FOXN4: variants seen among roughly 807,000 people sequenced by gnomAD.
FOXN4 encodes the protein forkhead box protein N4.
FOXN4 carries 12 observed loss-of-function variants against 45.0 expected under a neutral mutation model. That is an observed-to-expected ratio of 0.27 (90% CI 0.17 to 0.43). The LOEUF (loss-of-function observed/expected upper bound fraction) is 0.43, where lower values mean the gene tolerates loss of function less well. FOXN4 is among the 20% of genes least tolerant of loss of function. The probability of loss-of-function intolerance (pLI) is 1.00; values close to 1 mark genes in which losing one functional copy is unlikely to be tolerated. For missense variants in FOXN4, 560 were observed against 694.9 expected, an observed-to-expected ratio of 0.81 and a Z score of 2.18; for synonymous variants, 297 against 295.0, an observed-to-expected ratio of 1.01 and a Z score of -0.07.
Position 109,281,566 on chromosome 12 carries a change from C to A in FOXN4, c.1135G>T (p.Ala379Ser), listed in dbSNP as rs142107769. Residue 379 changes from alanine to serine, a missense_variant, in exon 9 of 10, where the codon GCC (alanine) becomes TCC (serine). By Grantham distance (99) the Ala-to-Ser change is moderately conservative. Around this residue, in one of 5 missense-constraint regions of FOXN4, gnomAD observed 315 missense variants for 350.5 expected, o/e 0.90. Coordinates refer to ENST00000299162, the MANE Select transcript of FOXN4 (RefSeq NM_213596.3). Reference protein sequence around the residue: ...AHLAPDSPAPAQTPPLHALPD... With the variant: ...AHLAPDSPAPSQTPPLHALPD... Reference sequence around the variant, plus strand: ...AGGGCGTGCAGTGGCGGGGTCTGGGCTGGTGCTGGAGAGTCTGGAGCAAGA... The same window carrying A: ...AGGGCGTGCAGTGGCGGGGTCTGGGATGGTGCTGGAGAGTCTGGAGCAAGA... 4.0e-5 allele frequency: 65 copies of A among 1,607,652 alleles called. No individual in the cohort carries two copies. The highest frequency in any genetic ancestry group is 5.0e-5 in the Non-Finnish European group (59 of 1,177,010).
intron 9 of FOXN4, among the ~76,000 whole-genome samples, chr12:109,281,201 G>C (rs1269874983): frequency 6.6e-6 from 1 of 152,220 alleles, no homozygotes; most frequent in Non-Finnish European, 1.5e-5. Flanking sequence ...CATGACATTT[G>C]AGTGTCTTGT....
chr12:109,291,019 A>C lies in FOXN4; in HGVS notation c.87-733T>G, dbSNP rs1593776864. Among the ~76,000 whole-genome samples the C allele has an allele frequency of 6.6e-6, 1 of 152,178 alleles. No homozygotes were observed. Among genetic ancestry groups the C allele is most frequent in the African/African-American group, 2.4e-5 (1 of 41,526 alleles). ...AGTCACCTGCCCAAGGCGACACAGA[A>C]CAGGAGGTGGTGGGGCTGAGACCCA... On this transcript the variant is annotated intron_variant, in intron 2 of 9. Transcript: ENST00000299162. The surrounding 1 kb of genome is among the most constrained non-coding windows in gnomAD (Gnocchi z 6.6).
intron 2 of FOXN4, among the ~76,000 whole-genome samples, chr12:109,293,273 C>T (rs2047785835): frequency 6.6e-6 from 1 of 152,182 alleles, no homozygotes; most frequent in Non-Finnish European, 1.5e-5. Context: ...GGTCCTGACT[C>T]CCTGTGCAGG....
At chr12:109,306,264 C>T (rs1160965007) in intron 2 of FOXN4, among the ~76,000 whole-genome samples, 1 of 152,184 alleles carries the variant, frequency 6.6e-6, no homozygotes, top group Non-Finnish European at 1.5e-5. Context: ...ACTTAATCCT[C>T]CCAGCAACTG....
At chr12:109,293,165 T>G (rs944818354) in intron 2 of FOXN4, among the ~76,000 whole-genome samples, 1 of 152,052 alleles carries the variant, frequency 6.6e-6, no homozygotes, top group African/African-American at 2.4e-5. Context: ...ACCCCAGACA[T>G]CCTGCAGACA....
At chr12:109,304,297 A>AAAGAAAGAAGGAAAGAAG (rs1566005780) in intron 2 of FOXN4, among the ~76,000 whole-genome samples, 4 of 138,832 alleles carry the variant, frequency 2.9e-5, no homozygotes, top group African/African-American at 1.1e-4. Context: ...GAAAGAAAGG[A>AAAGAAAGAAGGAAAGAAG]GAAAGAAAGA....
chr12:109,304,814 G>A (rs1286841903), intron 2 of FOXN4, among the ~76,000 whole-genome samples: 2 of 152,164 alleles, frequency 1.3e-5, no homozygotes, highest in Non-Finnish European at 1.5e-5. Context: ...ACTTTTCCTG[G>A]GCTACTATTT....
chr12:109,287,551 A>G lies in FOXN4; in HGVS notation c.469-27T>C, dbSNP rs1421885631. The G allele has an allele frequency of 1.3e-6, 2 of 1,498,652 alleles. No individual in the cohort carries two copies. The highest frequency in any genetic ancestry group is 4.9e-5 in the East Asian group (2 of 40,474). 92.8% of individuals were successfully genotyped at this position (1,498,652 alleles called of 1,614,324 possible). On this transcript the variant is annotated intron_variant, in intron 5 of 9. Transcript: ENST00000299162. The surrounding 1 kb of genome is among the most constrained non-coding windows in gnomAD (Gnocchi z 4.1). ...TTCCCACAGGCAGGGGCAGGGAGAA[A>G]GTGGCAGAGAAAGAGAGAAGGTGAG... is the stretch of plus-strand genomic sequence containing the variant.
Position 109,291,274 on chromosome 12 carries a change from G to A in FOXN4, c.87-988C>T, listed in dbSNP as rs1410396921. On this transcript the variant is annotated intron_variant, in intron 2 of 9. Transcript: ENST00000299162. The surrounding 1 kb of genome is among the most constrained non-coding windows in gnomAD (Gnocchi z 6.6). ...TTGCCACGCGACTCCGAGAGCATCG[G>A]GTCTTACACCACCATCCGGGCCCTG... 6.6e-6 allele frequency among the ~76,000 whole-genome samples: 1 copy of A among 151,852 alleles called. No individual in the cohort carries two copies. The highest frequency in any genetic ancestry group is 2.4e-5 in the African/African-American group (1 of 41,336).
In FOXN4 at chr12:109,288,062, T is replaced by C. The variant is rs1488452650; in HGVS notation, c.351A>G (p.Arg117=). 3.2e-6 allele frequency: 5 copies of C among 1,549,890 alleles called. No individual in the cohort carries two copies. In the East Asian group the frequency reaches 1.2e-4, roughly 38 times the overall value. The change falls in exon 4 of 10, where the codon AGA becomes AGG. Residue 117 remains arginine (R), a synonymous_variant. Transcript: ENST00000299162. The surrounding 1 kb of genome is among the most constrained non-coding windows in gnomAD (Gnocchi z 4.3). ...MPGLGPITGH[R]DSMSQFPVGG... ...TCCATGCAGTGCCACTTACGCTGTC[T>C]CTGTGGCCAGTTATGGGGCCCAGAC...
At chr12:109,281,223 A>C (rs1423162099) in intron 9 of FOXN4, among the ~76,000 whole-genome samples, 184 bp downstream of exon 9, 1 of 152,156 alleles carries the variant, frequency 6.6e-6, no homozygotes, top group African/African-American at 2.4e-5. Flanking sequence ...GGAGCTCAAA[A>C]ATTTTTGGAT....
chr12:109,296,190 G>C (rs893565366), intron 2 of FOXN4, among the ~76,000 whole-genome samples: 1 of 152,222 alleles, frequency 6.6e-6, no homozygotes, highest in African/African-American at 2.4e-5. Context: ...TGGGGAAGAG[G>C]CCGGGTACCT....
Position 109,287,287 on chromosome 12 carries a change from C to T in FOXN4, c.596+110G>A. 1.4e-6 allele frequency: 2 copies of T among 1,425,874 alleles called. No homozygotes were observed. Among genetic ancestry groups the T allele is most frequent in the South Asian group, 2.7e-5 (2 of 75,008 alleles). 88.3% of individuals were successfully genotyped at this position (1,425,874 alleles called of 1,614,324 possible). On this transcript the variant is annotated intron_variant, in intron 6 of 9. Coordinates refer to ENST00000299162, the MANE Select transcript of FOXN4 (RefSeq NM_213596.3). This position sits in a 1 kb window ranked among gnomAD's most constrained non-coding sequence, Gnocchi z 4.1. Reference sequence around the variant, plus strand: ...GGTTCCCCACTCCCCAAAACCTCCCCCTTGGAAGTCTGGGCTGCCACACTA... The same window carrying T: ...GGTTCCCCACTCCCCAAAACCTCCCTCTTGGAAGTCTGGGCTGCCACACTA...
intron 2 of FOXN4, 96 bp downstream of exon 2, chr12:109,308,140 A>C: frequency 1.0e-6 from 1 of 1,002,958 alleles, no homozygotes; most frequent in African/African-American, 1.6e-5. Context: ...AATTGAACAT[A>C]ACAATAGTTC....
In FOXN4 at chr12:109,286,641, G is replaced by T; in HGVS notation, c.693+7C>A. 6.2e-7 allele frequency: 1 copy of T among 1,605,244 alleles called. No individual in the cohort carries two copies. On this transcript the variant is annotated splice_region_variant and intron_variant, in intron 7 of 9. Coordinates refer to ENST00000299162, the MANE Select transcript of FOXN4 (RefSeq NM_213596.3). ...CTCCAGCACCCCTACCCTAGCTTGGGACTCACCTTGAAGTAGGGGAAGTGC... is the reference window on the plus strand; with the variant it reads ...CTCCAGCACCCCTACCCTAGCTTGGTACTCACCTTGAAGTAGGGGAAGTGC...
intron 2 of FOXN4, among the ~76,000 whole-genome samples, chr12:109,294,771 C>G (rs931839630): frequency 1.4e-5 from 2 of 144,082 alleles, no homozygotes; most frequent in African/African-American, 5.3e-5. Flanking sequence ...CCCCAACCCC[C>G]TGCCCACACT....
intron 9 of FOXN4, 27 bp downstream of exon 9, chr12:109,281,380 C>T (rs2047650221): frequency 6.2e-7 from 1 of 1,610,510 alleles, no homozygotes; most frequent in Admixed American, 1.7e-5. Flanking sequence ...CCATTCCATT[C>T]CCATCACTCC....
chr12:109,304,215 AAGAAAG>A (rs1474948904), intron 2 of FOXN4, among the ~76,000 whole-genome samples: 3 of 135,058 alleles, frequency 2.2e-5, no homozygotes, highest in Non-Finnish European at 4.7e-5. Context: ...AAGAAAAGAA[AAGAAAG>A]AGAAAGAAAG....
intron 2 of FOXN4, among the ~76,000 whole-genome samples, chr12:109,296,210 G>A (rs571680302): frequency 9.7e-4 from 147 of 152,304 alleles, no homozygotes; most frequent in African/African-American, 3.4e-3. Context: ...TGCAATTAAC[G>A]CATCCCCCAG....
Sources: allele counts gnomAD v4.1 joint callset (sites outside exome capture counted in the v4.1 genomes callset), GRCh38; gene constraint gnomAD v4.1.1; regional missense constraint gnomAD v4.1.1; non-coding constraint Gnocchi (gnomAD v3.1); transcripts MANE v1.5; gene names NCBI Gene and HGNC (gene_info 2026-07-23, HGNC 2026-07-21).